The following LRRC9 variants were observed in gnomAD, a reference collection of about 807,000 sequenced individuals.
LRRC9 encodes the protein leucine rich repeat containing 9.
Under a neutral mutation model 63.2 loss-of-function variants are expected in LRRC9, and 122 were observed. That is an observed-to-expected ratio of 1.93 (90% CI 1.67 to 2.24). The LOEUF (loss-of-function observed/expected upper bound fraction) is 2.24. Among genes scored for constraint, LRRC9 ranks in the 30% most tolerant of loss-of-function variants. The pLI is 0.00. For synonymous variants in LRRC9, 366 were observed against 213.1 expected (o/e 1.72, Z -6.25); for missense variants, 1,071 against 627.7 (o/e 1.71, Z -7.55).
chr14:60,039,642 ATTC>A (rs1346534960), intron 29 of LRRC9, among the ~76,000 whole-genome samples: 1 of 151,504 alleles, frequency 6.6e-6, no homozygotes, highest in Non-Finnish European at 1.5e-5. Context: ...AGTCTATTTG[ATTC>A]TTCTCTCTTT....
At chr14:59,961,770 T>C (rs1884375171) in intron 10 of LRRC9, among the ~76,000 whole-genome samples, 1 of 152,062 alleles carries the variant, frequency 6.6e-6, no homozygotes, top group Non-Finnish European at 1.5e-5. Context: ...AAATTACCCT[T>C]AAAAAAAGTC....
rs147022081 is a variant in LRRC9, at chr14:59,991,928, C to T, written c.2212-5728C>T. Among the ~76,000 whole-genome samples the T allele has an allele frequency of 1.9e-3, 285 of 152,298 alleles. 6 individuals carry two copies. In the East Asian group the frequency reaches 0.03, roughly 16 times the overall value. On this transcript the variant is annotated intron_variant, in intron 17 of 31. Transcript: ENST00000445360. ...AAAAGGCAGCAGAATCCTCTGCAGA[C>T]GTAAATGTCCCTGTCTGACAGCTTT...
At chr14:60,045,051 C>CTTTTTTTTT (rs200934262) in intron 29 of LRRC9, among the ~76,000 whole-genome samples, 1 of 118,918 alleles carries the variant, frequency 8.4e-6, no homozygotes, top group East Asian at 2.4e-4. Flanking sequence ...CTTTCCTTGT[C>CTTTTTTTTT]TTTTTTTTTT....
intron 12 of LRRC9, among the ~76,000 whole-genome samples, chr14:59,967,886 G>A (rs540508633): frequency 1.3e-5 from 2 of 152,258 alleles, no homozygotes; most frequent in East Asian, 3.9e-4. Flanking sequence ...TCTGTAAAAT[G>A]AAGATAATAA....
chr14:59,940,819 T>C (rs1032862486), intron 7 of LRRC9, among the ~76,000 whole-genome samples: 2 of 152,108 alleles, frequency 1.3e-5, no homozygotes, highest in African/African-American at 2.4e-5. Flanking sequence ...AATTTTGTCT[T>C]AGTACAAACA....
intron 31 of LRRC9, among the ~76,000 whole-genome samples, chr14:60,062,696 C>G (rs1894728114): frequency 6.6e-6 from 1 of 152,162 alleles, no homozygotes; most frequent in Admixed American, 6.5e-5. Flanking sequence ...ATTGCTAGTT[C>G]TCATTAAGAA....
intron 10 of LRRC9, among the ~76,000 whole-genome samples, chr14:59,965,281 C>A (rs1594888324): frequency 6.6e-6 from 1 of 152,106 alleles, no homozygotes; most frequent in South Asian, 2.1e-4. Flanking sequence ...ATTTTCAGAT[C>A]AAATATCTTA....
Position 60,055,724 on chromosome 14 carries a change from C to T in LRRC9, c.4132-2154C>T, listed in dbSNP as rs183217974. On this transcript the variant is annotated intron_variant, in intron 30 of 31. Coordinates refer to ENST00000445360, the Ensembl canonical transcript of LRRC9. ...CCTGGGGAACATGGCAAAACCTTGT[C>T]TCTATTTAAAAAAAAAAAAAAACAA... is the stretch of plus-strand genomic sequence containing the variant. Among the ~76,000 whole-genome samples the T allele has an allele frequency of 1.4e-4, 20 of 141,432 alleles. No homozygotes were observed. In the East Asian group the frequency reaches 4.0e-3, roughly 28 times the overall value. The allele number at this position is 141,432 out of a possible 152,430, so 92.8% of individuals were successfully genotyped here. A position where few individuals can be genotyped will look rare whatever the true frequency, so the allele number is the denominator to read the frequency against.
At chr14:59,989,367 T>TA (rs1196945354) in intron 17 of LRRC9, among the ~76,000 whole-genome samples, 1 of 152,096 alleles carries the variant, frequency 6.6e-6, no homozygotes, top group Non-Finnish European at 1.5e-5. Context: ...TTTCTTATCT[T>TA]AAATTTTTTT....
rs1161560429 is a variant in LRRC9, at chr14:59,990,826, C to T, written c.2211+5602C>T. 2.0e-5 allele frequency among the ~76,000 whole-genome samples: 3 copies of T among 152,194 alleles called. No individual in the cohort carries two copies. The highest frequency in any genetic ancestry group is 4.4e-5 in the Non-Finnish European group (3 of 68,036). ...ACACATTCCGGTGAATATTTGTTGA[C>T]TGTTCTGGGGCTCTCCTGTTTTCAG... On this transcript the variant is annotated intron_variant, in intron 17 of 31. Coordinates refer to ENST00000445360, the Ensembl canonical transcript of LRRC9. The surrounding 1 kb of genome is among the most constrained non-coding windows in gnomAD (Gnocchi z 4.2).
chr14:59,981,908 A>G, exon 16 of LRRC9: 1 of 702,374 alleles, frequency 1.4e-6, no homozygotes, highest in Non-Finnish European at 2.6e-6. Flanking sequence ...AAGCAAAAAA[A>G]ACCCAGAAGT....
intron 23 of LRRC9, 45 bp from the exon 24 acceptor site, chr14:60,016,615 G>T: frequency 1.5e-6 from 1 of 646,720 alleles, no homozygotes; most frequent in Non-Finnish European, 2.9e-6. Flanking sequence ...ATGTAATTTA[G>T]TCATCTGTAA....
In LRRC9 at chr14:60,054,401, C is replaced by G. The variant is rs1417061353; in HGVS notation, c.4131+1196C>G. Reference sequence around the variant, plus strand: ...GGATAAAGGGCACTCTCTCTCTCCCCACCCCTTCCAACGCCCTCCCCCATA... The same window carrying G: ...GGATAAAGGGCACTCTCTCTCTCCCGACCCCTTCCAACGCCCTCCCCCATA... On this transcript the variant is annotated intron_variant, in intron 30 of 31. Coordinates refer to ENST00000445360, the Ensembl canonical transcript of LRRC9. Among the ~76,000 whole-genome samples the G allele has an allele frequency of 2.0e-5, 3 of 152,252 alleles. No individual in the cohort carries two copies. The East Asian group carries it at 5.8e-4, about 29-fold the overall frequency.
At chr14:59,979,605 C>A (rs184290460) in intron 15 of LRRC9, among the ~76,000 whole-genome samples, 216 of 152,042 alleles carry the variant, frequency 1.4e-3, no homozygotes, top group Non-Finnish European at 2.7e-3. Context: ...GAGCGAGACT[C>A]CGTCTCAAAA....
At chr14:59,972,441 C>T (rs1885623104) in intron 12 of LRRC9, among the ~76,000 whole-genome samples, 1 of 152,026 alleles carries the variant, frequency 6.6e-6, no homozygotes, top group African/African-American at 2.4e-5. Flanking sequence ...TCTAAGTAGT[C>T]TTTCTTGTAT....
At chr14:60,007,859 G>C (rs1315165685) in intron 22 of LRRC9, among the ~76,000 whole-genome samples, 2 of 149,802 alleles carry the variant, frequency 1.3e-5, no homozygotes, top group East Asian at 3.9e-4. Context: ...AGAATCACTT[G>C]AGCCTAGGAG....
chr14:60,037,134 A>C (rs921326518), intron 29 of LRRC9, among the ~76,000 whole-genome samples: 4 of 152,126 alleles, frequency 2.6e-5, no homozygotes, highest in Non-Finnish European at 5.9e-5. Flanking sequence ...CATGGTGTAT[A>C]TGTGCCACAT....
In LRRC9 at chr14:59,932,062, A is replaced by C. The variant is rs1889755674; in HGVS notation, c.543+23A>C. 2 of 692,108 alleles carry C rather than the reference A, an allele frequency of 2.9e-6. No individual in the cohort carries two copies. The highest frequency in any genetic ancestry group is 5.2e-6 in the Non-Finnish European group (2 of 381,046). The allele number at this position is 692,108 out of a possible 1,614,324, so 42.9% of individuals were successfully genotyped here. A position where few individuals can be genotyped will look rare whatever the true frequency, so the allele number is the denominator to read the frequency against. ...AAGGTATGTTTAAGTGGAATAATTA[A>C]TTTTTATTTATCATCCTGAATCATG... On this transcript the variant is annotated intron_variant, in intron 6 of 31. Coordinates refer to ENST00000445360, the Ensembl canonical transcript of LRRC9. This position sits in a 1 kb window ranked among gnomAD's most constrained non-coding sequence, Gnocchi z 4.7.
chr14:60,033,138 CT>C, intron 29 of LRRC9, among the ~76,000 whole-genome samples: 1 of 152,008 alleles, frequency 6.6e-6, no homozygotes, highest in Non-Finnish European at 1.5e-5. Flanking sequence ...TTGTTTGTTG[CT>C]GGAGTGTATA....
Sources: gnomAD v4.1 joint callset for allele counts (sites outside exome capture counted in the v4.1 genomes callset) on GRCh38, gnomAD v4.1.1 for gene constraint, Gnocchi (gnomAD v3.1) non-coding constraint, MANE v1.5 for transcripts, NCBI Gene and HGNC (gene_info 2026-07-23, HGNC 2026-07-21) for gene names.